Variants in LGI2 observed in about 807,000 individuals in gnomAD.
The protein encoded by LGI2 is leucine-rich repeat LGI family member 2.
LGI2 carries 30 observed loss-of-function variants against 52.0 expected under a neutral mutation model. The ratio of observed to expected loss-of-function variants is 0.58; its 90% CI spans 0.43 to 0.78. The LOEUF is 0.78. Among genes scored for constraint, LGI2 ranks in the 30% least tolerant of loss-of-function variants. LGI2 has a pLI of 0.00. For missense variants in LGI2, 573 were observed against 692.5 expected (o/e 0.83, Z 1.94); for synonymous variants, 270 against 271.8 (o/e 0.99, Z 0.06).
downstream of LGI2, among the ~76,000 whole-genome samples, chr4:24,996,416 T>G (rs982219380): frequency 1.3e-5 from 2 of 152,192 alleles, no homozygotes; most frequent in Non-Finnish European, 2.9e-5. Flanking sequence ...CAAGACGCTA[T>G]AATCCAAAGA....
rs1560297069 is a variant in LGI2 at position 25,030,743 on chromosome 4, G to A, written c.-50C>T. On this transcript the variant is annotated 5_prime_UTR_variant, in exon 1 of 8. Transcript: ENST00000382114. ...GCCCCGACCCCCACCGCCGCGCCGC[G>A]CGCTCGGACCCGGCGCCGCTGCAGA... The A allele has an allele frequency of 3.7e-6, 4 of 1,073,990 alleles. No individual in the cohort carries two copies. Among genetic ancestry groups the A allele is most frequent in the East Asian group, 5.2e-5 (1 of 19,054 alleles). 66.5% of individuals were successfully genotyped at this position (1,073,990 alleles called of 1,614,324 possible).
chr4:25,011,628 A>C (rs972412018), intron 7 of LGI2, among the ~76,000 whole-genome samples: 1 of 152,124 alleles, frequency 6.6e-6, no homozygotes, highest in African/African-American at 2.4e-5. Context: ...TCTAAAGGAA[A>C]CCCTCTCCTG....
At position 25,003,785 on chromosome 4, in the gene LGI2, G is replaced by A; in HGVS notation, c.1304C>T (p.Ser435Phe). ...GGAGTCCCCGATGAAGCGGGTAAGG[G>A]AAAGGTAGAGGGTATTTTGCATTCG... ...SFRMQNTLYL[S>F]LTRFIGDSRV... The change falls in exon 8 of 8, where the codon TCC becomes TTC. Residue 435 changes from serine (S) to phenylalanine (F), a missense_variant. Physicochemically the swap from Ser to Phe is radical, Grantham distance 155. Coordinates refer to ENST00000382114, the MANE Select transcript of LGI2 (RefSeq NM_018176.4). 6.2e-7 allele frequency: 1 copy of A among 1,614,200 alleles called. No homozygotes were observed. The highest frequency in any genetic ancestry group is 8.5e-7 in the Non-Finnish European group (1 of 1,180,034).
At chr4:24,997,130 T>C (rs13125325), downstream of LGI2, among the ~76,000 whole-genome samples, 1 of 152,018 alleles carries the variant, frequency 6.6e-6, no homozygotes, top group Non-Finnish European at 1.5e-5. Flanking sequence ...AGAAAAAAAA[T>C]CATTTGTGCC....
rs1726223807 is a variant in LGI2 at position 25,028,705 on chromosome 4, G to A, written c.198-127C>T. The A allele has an allele frequency of 1.1e-4, 83 of 744,706 alleles. 1 individual carries two copies. The South Asian group carries it at 1.4e-3, about 12-fold the overall frequency. The allele number at this position is 744,706 out of a possible 1,614,324, so 46.1% of individuals were successfully genotyped here. A position where few individuals can be genotyped will look rare whatever the true frequency, so the allele number is the denominator to read the frequency against. On this transcript the variant is annotated intron_variant, in intron 1 of 7. Coordinates refer to ENST00000382114, the MANE Select transcript of LGI2 (RefSeq NM_018176.4). ...ACTCTCAGGAGTGAGGCATAGCACAGTTGCCCAGGATCTTCCCCGGGGTAG... is the reference window on the plus strand; with the variant it reads ...ACTCTCAGGAGTGAGGCATAGCACAATTGCCCAGGATCTTCCCCGGGGTAG...
intron 7 of LGI2, among the ~76,000 whole-genome samples, chr4:25,006,016 C>A (rs917419975): frequency 1.3e-5 from 2 of 152,188 alleles, no homozygotes; most frequent in Admixed American, 1.3e-4. Flanking sequence ...TGGCACCTAG[C>A]GGGTGATTGC....
In LGI2 at chr4:25,030,679, T is replaced by A. The variant is rs1247374498; in HGVS notation, c.15A>T (p.Arg5Ser). The A allele has an allele frequency of 6.7e-7, 1 of 1,496,748 alleles. No individual in the cohort carries two copies. The highest frequency in any genetic ancestry group is 8.9e-7 in the Non-Finnish European group (1 of 1,128,034). The allele number at this position is 1,496,748 out of a possible 1,614,324, so 92.7% of individuals were successfully genotyped here. Residue 5 changes from arginine (R) to serine (S), a missense_variant, in exon 1 of 8, where the codon AGA (arginine) becomes AGT (serine). Coordinates refer to ENST00000382114, the MANE Select transcript of LGI2 (RefSeq NM_018176.4). Reference sequence around the variant, plus strand: ...GCAGCCCGAGCGCTCCGCAGCCGCCTCTCCGCAGCGCCATGCCCGGTCCCC... The same window carrying A: ...GCAGCCCGAGCGCTCCGCAGCCGCCACTCCGCAGCGCCATGCCCGGTCCCC... Reference protein sequence around the residue: MALRRGGCGALGLLL... With the variant: MALRSGGCGALGLLL...
chr4:25,013,138 G>A (rs537741464), intron 6 of LGI2, among the ~76,000 whole-genome samples: 1 of 152,280 alleles, frequency 6.6e-6, no homozygotes, highest in East Asian at 1.9e-4. Context: ...TGGTCTTAGG[G>A]GTATTATGGT....
chr4:25,028,127 A>G (rs544599853), intron 2 of LGI2, among the ~76,000 whole-genome samples: 1 of 152,364 alleles, frequency 6.6e-6, no homozygotes, highest in South Asian at 2.1e-4. Flanking sequence ...AGCAAACTAG[A>G]AACACTCCTA....
intron 7 of LGI2, among the ~76,000 whole-genome samples, chr4:25,009,329 C>T (rs1725498434): frequency 1.3e-5 from 2 of 152,188 alleles, no homozygotes; most frequent in Admixed American, 6.5e-5. Flanking sequence ...TTGCTGCTCC[C>T]TTTGCCTGGA....
intron 1 of LGI2, among the ~76,000 whole-genome samples, chr4:25,029,781 G>A (rs902417656): frequency 6.6e-6 from 1 of 152,234 alleles, no homozygotes; most frequent in Non-Finnish European, 1.5e-5. Context: ...CTGACCTCAG[G>A]GCAAGAAGGC....
At position 25,004,417 on chromosome 4, in the gene LGI2, GA is replaced by G; in HGVS notation, c.821-150del. 1 of 715,164 alleles carries G rather than the reference GA, an allele frequency of 1.4e-6. No homozygotes were observed. Among genetic ancestry groups the G allele is most frequent in the South Asian group, 1.9e-5 (1 of 52,944 alleles). 44.3% of individuals were successfully genotyped at this position (715,164 alleles called of 1,614,324 possible). On this transcript the variant is annotated intron_variant, in intron 7 of 7. Coordinates refer to ENST00000382114, the MANE Select transcript of LGI2 (RefSeq NM_018176.4). The surrounding 1 kb of genome is among the most constrained non-coding windows in gnomAD (Gnocchi z 4.6). ...GTGGTTCCTTGAAAAATTAAACATGGAATTACCCTATGAGCCAGCAATTCCA... is the reference window on the plus strand; with the variant it reads ...GTGGTTCCTTGAAAAATTAAACATGGATTACCCTATGAGCCAGCAATTCCA...
In LGI2 at chr4:25,000,486, T is replaced by C; in HGVS notation, c.*2965A>G. 1 of 152,280 alleles carries C rather than the reference T, an allele frequency of 6.6e-6. No homozygotes were observed. The highest frequency in any genetic ancestry group is 1.9e-4 in the East Asian group (1 of 5,204). 9.4% of individuals were successfully genotyped at this position (152,280 alleles called of 1,614,324 possible). On this transcript the variant is annotated 3_prime_UTR_variant, in exon 8 of 8. Coordinates refer to ENST00000382114, the MANE Select transcript of LGI2 (RefSeq NM_018176.4). ...ATATAAAGCTTTGCTAAATGTAAGG[T>C]GGCCTTATCATCCACTGTCCAATAA...
intron 4 of LGI2, among the ~76,000 whole-genome samples, chr4:25,020,061 T>C (rs764216947): frequency 6.6e-6 from 1 of 152,196 alleles, no homozygotes; most frequent in South Asian, 2.1e-4. Flanking sequence ...TAATGGTCCA[T>C]CTAAGTGAAT....
chr4:25,012,309 C>T, intron 7 of LGI2, 26 bp downstream of exon 7: 1 of 1,612,452 alleles, frequency 6.2e-7, no homozygotes, highest in Non-Finnish European at 8.5e-7. Flanking sequence ...ATTAGTTCAA[C>T]ACATCTGATC....
rs371174844 is a variant in LGI2 at position 25,026,915 on chromosome 4, C to A, written c.294G>T (p.Thr98=). The change falls in exon 3 of 8, where the codon ACG becomes ACT. Residue 98 remains threonine (T), a synonymous_variant. Transcript: ENST00000382114. ...QLLLLNSNSF[T]IIRDDAFAGL... Reference sequence around the variant, plus strand: ...CAGCAAAAGCATCATCCCGGATGATCGTGAATGAGTTAGAATTCAGCAATC... The same window carrying A: ...CAGCAAAAGCATCATCCCGGATGATAGTGAATGAGTTAGAATTCAGCAATC... The A allele has an allele frequency of 3.7e-6, 6 of 1,613,386 alleles. No homozygotes were observed. In the African/African-American group the frequency reaches 8.0e-5, roughly 22 times the overall value.
intron 7 of LGI2, among the ~76,000 whole-genome samples, chr4:25,006,383 G>A (rs1473842894): frequency 6.6e-6 from 1 of 152,038 alleles, no homozygotes; most frequent in East Asian, 1.9e-4. Flanking sequence ...TAATTTTCTA[G>A]GTAATTTGGA....
chr4:25,006,357 G>T (rs1317043959), intron 7 of LGI2, among the ~76,000 whole-genome samples: 1 of 152,056 alleles, frequency 6.6e-6, no homozygotes, highest in African/African-American at 2.4e-5. Flanking sequence ...CTCCATTAAA[G>T]GTTATTTCTT....
intron 5 of LGI2, 141 bp from the exon 6 acceptor site, chr4:25,018,299 T>A (rs1248693102): frequency 1.7e-6 from 1 of 593,220 alleles, no homozygotes; most frequent in Non-Finnish European, 2.9e-6. Flanking sequence ...AAAACTTTTA[T>A]AATTAATATC....
Sources: allele counts gnomAD v4.1 joint callset (sites outside exome capture counted in the v4.1 genomes callset), GRCh38; gene constraint gnomAD v4.1.1; non-coding constraint Gnocchi (gnomAD v3.1); transcripts MANE v1.5; gene names NCBI Gene and HGNC (gene_info 2026-07-23, HGNC 2026-07-21).